Variants in ST14 observed in about 807,000 individuals in gnomAD.
ST14 encodes the protein suppressor of tumorigenicity 14 protein.
ST14 carries 40 observed loss-of-function variants against 96.5 expected under a neutral mutation model. The observed-to-expected ratio is 0.41, with a 90% confidence interval of 0.32 to 0.54. The LOEUF (loss-of-function observed/expected upper bound fraction) is 0.54. Ranked by LOEUF, ST14 falls within the 20% of genes least tolerant of loss-of-function variation. The pLI, the probability that ST14 is intolerant of heterozygous loss-of-function variation, is 0.17. For missense variants in ST14, 1,066 were observed against 1,188.9 expected (o/e 0.90, Z 1.52); for synonymous variants, 506 against 492.1 (o/e 1.03, Z -0.37).
chr11:130,169,683 G>A (rs192457171), intron 1 of ST14, among the ~76,000 whole-genome samples: 126 of 152,296 alleles, frequency 8.3e-4, no homozygotes, highest in African/African-American at 3.0e-3. Context: ...ACAGTTTTAT[G>A]AGGTGTGACT....
chr11:130,190,671 C>T lies in ST14; in HGVS notation c.852C>T (p.Pro284=). ...TGACGGTGTACAACACCCTGAGCCC[C>T]ATGGAGCCCCACGCCCTGGTGCAGT... ...DLVTVYNTLS[P]MEPHALVQLC... The change falls in exon 7 of 19, where the codon CCC becomes CCT. Residue 284 remains proline, a synonymous_variant. Transcript: ENST00000278742. 2 of 1,595,846 alleles carry T rather than the reference C, an allele frequency of 1.3e-6. No homozygotes were observed. Among genetic ancestry groups the T allele is most frequent in the African/African-American group, 2.7e-5 (2 of 74,570 alleles).
chr11:130,195,534 A>C (rs944651524), intron 9 of ST14, among the ~76,000 whole-genome samples: 1 of 152,186 alleles, frequency 6.6e-6, no homozygotes, highest in African/African-American at 2.4e-5. Flanking sequence ...CATCCCAGCC[A>C]GAGCTGCCTC....
intron 1 of ST14, among the ~76,000 whole-genome samples, chr11:130,177,853 A>G (rs1031302749): frequency 6.6e-5 from 10 of 152,392 alleles, no homozygotes; most frequent in African/African-American, 2.4e-4. Flanking sequence ...TCGCCTTAGC[A>G]TCGACTATAC....
intron 7 of ST14, among the ~76,000 whole-genome samples, chr11:130,192,846 A>G (rs1591889384): frequency 1.3e-5 from 2 of 152,142 alleles, no homozygotes; most frequent in East Asian, 3.9e-4. Flanking sequence ...GGGTTTTTAT[A>G]AGGTTGCATT....
At chr11:130,193,412 T>C (rs557138063) in intron 7 of ST14, among the ~76,000 whole-genome samples, 3 of 152,258 alleles carry the variant, frequency 2.0e-5, no homozygotes, top group Admixed American at 6.5e-5. Context: ...GTTGTTCTGA[T>C]TGAGCCCACA....
intron 16 of ST14, among the ~76,000 whole-genome samples, chr11:130,208,009 T>C (rs1223235229): frequency 6.6e-6 from 1 of 152,076 alleles, no homozygotes; most frequent in African/African-American, 2.4e-5. Context: ...AGGTGGAGAT[T>C]GCAGTGAGCC....
intron 17 of ST14, 149 bp from the exon 18 acceptor site, chr11:130,209,293 C>T: frequency 1.9e-6 from 2 of 1,054,100 alleles, no homozygotes; most frequent in African/African-American, 1.6e-5. Flanking sequence ...TTGCCAGAGC[C>T]CACTGAGTAG....
intron 4 of ST14, 72 bp downstream of exon 4, chr11:130,189,011 G>A: frequency 1.3e-6 from 2 of 1,499,276 alleles, no homozygotes; most frequent in Non-Finnish European, 1.8e-6. Context: ...TACAGTGTGT[G>A]GGGCAGGAAG....
At chr11:130,203,863 A>C (rs1311472213) in intron 16 of ST14, among the ~76,000 whole-genome samples, 1 of 152,170 alleles carries the variant, frequency 6.6e-6, no homozygotes, top group African/African-American at 2.4e-5. Context: ...CATGTTAGCC[A>C]GGCTGGTCTT....
chr11:130,176,033 G>A lies in ST14; in HGVS notation c.82-12081G>A, dbSNP rs528778991. ...AATAGCTCATGACAGTTTCCTGCTC[G>A]TGTAGGGATGCAATGCGTTTCTGTG... On this transcript the variant is annotated intron_variant, in intron 1 of 18. Coordinates refer to ENST00000278742, the MANE Select transcript of ST14 (RefSeq NM_021978.4). Among the ~76,000 whole-genome samples, 40 of 152,316 alleles carry A rather than the reference G, an allele frequency of 2.6e-4. No individual in the cohort carries two copies. In the South Asian group the frequency reaches 4.1e-3, roughly 16 times the overall value.
chr11:130,195,362 G>A lies in ST14; in HGVS notation c.1113+625G>A, dbSNP rs181477642. 3.9e-3 allele frequency among the ~76,000 whole-genome samples: 597 copies of A among 152,274 alleles called. 4 individuals are homozygous for A. The highest frequency in any genetic ancestry group is 6.6e-3 in the Non-Finnish European group (452 of 68,020). On this transcript the variant is annotated intron_variant, in intron 9 of 18. Transcript: ENST00000278742. ...ACCCAGACTCTTATCTTAGCTCCTT[G>A]TCAGGTGATGGAACGACCTGGGCAG...
intron 16 of ST14, among the ~76,000 whole-genome samples, chr11:130,205,166 C>G (rs959311451): frequency 1.3e-5 from 2 of 151,870 alleles, no homozygotes; most frequent in African/African-American, 2.4e-5. Flanking sequence ...CTCACTCTGT[C>G]CCCAGGCTGG....
intron 16 of ST14, among the ~76,000 whole-genome samples, chr11:130,208,073 CAATAAATA>C (rs35033213): frequency 0.19 from 28,428 of 151,754 alleles, 2,861 homozygotes; most frequent in Non-Finnish European, 0.24. Flanking sequence ...GACTCAGTCT[CAATAAATA>C]AATAAATAAA....
rs762940474 is a variant in ST14 at position 130,189,565 on chromosome 11, G to T, written c.441-174G>T. 16 of 782,548 alleles carry T rather than the reference G, an allele frequency of 2.0e-5. No individual in the cohort carries two copies. In the African/African-American group the frequency reaches 2.6e-4, roughly 13 times the overall value. 48.5% of individuals were successfully genotyped at this position (782,548 alleles called of 1,614,324 possible). A position where few individuals can be genotyped will look rare whatever the true frequency, so the allele number is the denominator to read the frequency against. On this transcript the variant is annotated intron_variant, in intron 4 of 18. Transcript: ENST00000278742. Reference sequence around the variant, plus strand: ...TGTGAGAGCAGAGGGCAAAGGGCAAGGCCTCTTGCTTTGGGGTGGAAAGAG... The same window carrying T: ...TGTGAGAGCAGAGGGCAAAGGGCAATGCCTCTTGCTTTGGGGTGGAAAGAG...
In ST14 at chr11:130,187,452, A is replaced by G. The variant is rs374280890; in HGVS notation, c.82-662A>G. 6.6e-6 allele frequency among the ~76,000 whole-genome samples: 1 copy of G among 152,144 alleles called. No individual in the cohort carries two copies. Among genetic ancestry groups the G allele is most frequent in the South Asian group, 2.1e-4 (1 of 4,828 alleles). On this transcript the variant is annotated intron_variant, in intron 1 of 18. Transcript: ENST00000278742. The surrounding 1 kb of genome is among the most constrained non-coding windows in gnomAD (Gnocchi z 4.5). The stretch of plus-strand genomic sequence containing the variant: ...GGGCTGCGCGTGGGTGTGGATTCCC[A>G]CAGTGGGCCTCTCACTGTGCCTTGA...
intron 1 of ST14, among the ~76,000 whole-genome samples, chr11:130,166,423 G>T (rs542566539): frequency 2.0e-5 from 3 of 152,132 alleles, no homozygotes; most frequent in Non-Finnish European, 2.9e-5. Flanking sequence ...CTGTGCCTAA[G>T]GGGGGGTCTG....
chr11:130,164,284 T>C (rs546884168), intron 1 of ST14, among the ~76,000 whole-genome samples: 155 of 152,330 alleles, frequency 1.0e-3, no homozygotes, highest in African/African-American at 3.6e-3. Flanking sequence ...TGGCTGCTTG[T>C]CTTTTTTCCT....
chr11:130,188,482 G>C lies in ST14; in HGVS notation c.242-48G>C, dbSNP rs775542029. ...CCATTGTGGACGGCGAGGGACAGGC[G>C]GGGGTGGTACCACCTCCCCTGACTG... On this transcript the variant is annotated intron_variant, in intron 2 of 18. Coordinates refer to ENST00000278742, the MANE Select transcript of ST14 (RefSeq NM_021978.4). The surrounding 1 kb of genome is among the most constrained non-coding windows in gnomAD (Gnocchi z 5.4). The C allele has an allele frequency of 1.2e-6, 2 of 1,610,042 alleles. No individual in the cohort carries two copies. The highest frequency in any genetic ancestry group is 1.7e-6 in the Non-Finnish European group (2 of 1,179,746).
intron 1 of ST14, among the ~76,000 whole-genome samples, chr11:130,183,446 C>G (rs1953212304): frequency 1.3e-5 from 2 of 151,840 alleles, no homozygotes; most frequent in Admixed American, 1.3e-4. Context: ...CAGTGGTGCA[C>G]CCTGTAGTCC....
Sources: allele counts gnomAD v4.1 joint callset (sites outside exome capture counted in the v4.1 genomes callset), GRCh38; gene constraint gnomAD v4.1.1; non-coding constraint Gnocchi (gnomAD v3.1); transcripts MANE v1.5; gene names NCBI Gene and HGNC (gene_info 2026-07-23, HGNC 2026-07-21).